Variants in CRTAP observed in about 807,000 individuals in gnomAD.
The protein encoded by CRTAP is cartilage associated protein.
In CRTAP, 33 loss-of-function variants were observed where a neutral mutation model predicts 42.7. That is an observed-to-expected ratio of 0.77 (90% CI 0.59 to 1.03). CRTAP has a LOEUF of 1.03. Ranked by LOEUF, CRTAP falls within the 50% of genes least tolerant of loss-of-function variation. The pLI, the probability that CRTAP is intolerant of heterozygous loss-of-function variation, is 0.00. For synonymous variants in CRTAP, 243 were observed against 217.7 expected (o/e 1.12, Z -1.02); for missense variants, 613 against 533.9 (o/e 1.15, Z -1.46).
intron 6 of CRTAP, among the ~76,000 whole-genome samples, chr3:33,135,242 C>T (rs1212537679): frequency 6.6e-6 from 1 of 152,188 alleles, no homozygotes; most frequent in East Asian, 1.9e-4. Flanking sequence ...GAGCCTGAGA[C>T]AGGATCCCAA....
At chr3:33,120,616 A>C (rs1416901867) in intron 2 of CRTAP, 123 bp downstream of exon 2, 1 of 1,418,382 alleles carries the variant, frequency 7.1e-7, no homozygotes, top group Admixed American at 2.0e-5. Flanking sequence ...GCTGAATATT[A>C]TGACAATAGA....
Position 33,147,197 on chromosome 3 carries a change from T to C in CRTAP, c.*4749T>C, listed in dbSNP as rs2030744441. The C allele has an allele frequency of 6.5e-6, 1 of 152,890 alleles. No homozygotes were observed. The highest frequency in any genetic ancestry group is 6.5e-5 in the Admixed American group (1 of 15,290). The allele number at this position is 152,890 out of a possible 1,614,324, so 9.5% of individuals were successfully genotyped here. Reference sequence around the variant, plus strand: ...TTAAGTAAGCCTCAGCCAAAGGTTTTATGCATTGGACTTCCTGTGCCTGCC... The same window carrying C: ...TTAAGTAAGCCTCAGCCAAAGGTTTCATGCATTGGACTTCCTGTGCCTGCC... On this transcript the variant is annotated 3_prime_UTR_variant, in exon 7 of 7. Transcript: ENST00000320954.
intron 1 of CRTAP, among the ~76,000 whole-genome samples, chr3:33,119,498 A>ATTTT (rs5847773): frequency 8.6e-5 from 13 of 151,186 alleles, no homozygotes; most frequent in African/African-American, 2.4e-4. Flanking sequence ...GCAGGTGGGG[A>ATTTT]TTTTTTTTTC....
At chr3:33,124,149 C>G (rs961920705) in intron 2 of CRTAP, among the ~76,000 whole-genome samples, 1 of 152,148 alleles carries the variant, frequency 6.6e-6, no homozygotes, top group African/African-American at 2.4e-5. Flanking sequence ...TCATAGTTTT[C>G]CCATTTTCCT....
chr3:33,118,532 CA>C (rs1318956410), intron 1 of CRTAP, among the ~76,000 whole-genome samples: 1 of 152,210 alleles, frequency 6.6e-6, no homozygotes, highest in Non-Finnish European at 1.5e-5. Flanking sequence ...GCCATTGTCT[CA>C]AAATGACTTG....
intron 5 of CRTAP, 29 bp from the exon 6 acceptor site, chr3:33,134,153 A>G (rs748479049): frequency 2.6e-6 from 4 of 1,536,508 alleles, no homozygotes; most frequent in Non-Finnish European, 3.6e-6. Context: ...GGTTGGTCCT[A>G]TAAACTGTTC....
At position 33,121,390 on chromosome 3, in the gene CRTAP, C is replaced by T. The variant is rs544742900; in HGVS notation, c.621+897C>T. On this transcript the variant is annotated intron_variant, in intron 2 of 6. Transcript: ENST00000320954. ...TTGCGCCACTGCACTCCAGCCTGGG[C>T]GACAGAGCGAGACTCTGTCTCAAAA... 8.7e-5 allele frequency among the ~76,000 whole-genome samples: 13 copies of T among 150,282 alleles called. No individual in the cohort carries two copies. In the South Asian group the frequency reaches 1.2e-3, roughly 14 times the overall value.
chr3:33,131,394 A>C (rs1398833291), intron 4 of CRTAP, among the ~76,000 whole-genome samples: 1 of 152,210 alleles, frequency 6.6e-6, no homozygotes, highest in Non-Finnish European at 1.5e-5. Context: ...CTTCTAGCTC[A>C]CTGAGCATGG....
At chr3:33,120,523 T>C in intron 2 of CRTAP, 30 bp downstream of exon 2, 1 of 1,576,394 alleles carries the variant, frequency 6.3e-7, no homozygotes, top group South Asian at 1.1e-5. Context: ...TGGCAGTTAG[T>C]GGCAACCTGG....
At chr3:33,141,843 C>T (rs2030580786) in intron 6 of CRTAP, among the ~76,000 whole-genome samples, 2 of 152,218 alleles carry the variant, frequency 1.3e-5, no homozygotes, top group South Asian at 4.1e-4. Flanking sequence ...AAGTGGATCC[C>T]ACTATCCCTG....
intron 2 of CRTAP, among the ~76,000 whole-genome samples, chr3:33,123,905 C>T (rs1217507765): frequency 6.6e-6 from 1 of 152,078 alleles, no homozygotes; most frequent in Non-Finnish European, 1.5e-5. Context: ...TTACATTTTT[C>T]TTTTCGTTCC....
intron 6 of CRTAP, among the ~76,000 whole-genome samples, chr3:33,137,041 C>T (rs2030439489): frequency 6.6e-6 from 1 of 151,426 alleles, no homozygotes; most frequent in Non-Finnish European, 1.5e-5. Flanking sequence ...TCCAACTTTG[C>T]AATATCTTCA....
At chr3:33,117,771 C>G (rs1701361385) in intron 1 of CRTAP, among the ~76,000 whole-genome samples, 1 of 152,186 alleles carries the variant, frequency 6.6e-6, no homozygotes, top group South Asian at 2.1e-4. Context: ...ACCACCTTCT[C>G]CAAAATCTGC....
intron 2 of CRTAP, among the ~76,000 whole-genome samples, chr3:33,122,507 G>A (rs2029905974): frequency 6.6e-6 from 1 of 151,918 alleles, no homozygotes; most frequent in Non-Finnish European, 1.5e-5. Flanking sequence ...AGGAGTTCAA[G>A]ACCAGCTGGG....
intron 6 of CRTAP, among the ~76,000 whole-genome samples, chr3:33,136,082 G>C (rs1012426126): frequency 6.6e-6 from 1 of 152,194 alleles, no homozygotes; most frequent in Non-Finnish European, 1.5e-5. Context: ...GCCCCTGGAA[G>C]ACTCTAATCT....
intron 1 of CRTAP, among the ~76,000 whole-genome samples, chr3:33,118,609 T>C (rs1701375427): frequency 6.6e-6 from 1 of 152,248 alleles, no homozygotes; most frequent in Non-Finnish European, 1.5e-5. Context: ...GTCTAGGGTA[T>C]ACCAAATATT....
intron 2 of CRTAP, among the ~76,000 whole-genome samples, chr3:33,123,286 T>C (rs895046002): frequency 1.4e-4 from 22 of 152,198 alleles, no homozygotes; most frequent in African/African-American, 3.4e-4. Context: ...CTAAATCTCA[T>C]GTCCAGTTGT....
At chr3:33,140,869 C>T (rs2030551518) in intron 6 of CRTAP, among the ~76,000 whole-genome samples, 3 of 152,206 alleles carry the variant, frequency 2.0e-5, no homozygotes, top group Non-Finnish European at 4.4e-5. Flanking sequence ...GCTTCGCCTG[C>T]TCCCATGGGG....
chr3:33,132,656 A>ATG lies in CRTAP; in HGVS notation c.1024_1025insTG (p.Arg342MetfsTer24), dbSNP rs2030301536. ...GAACCTGGTGTATTACCAGTACCAC[A>ATG]GGGACACTTGGGGCCTCTCGGATGA... On this transcript the variant is annotated frameshift_variant, in exon 5 of 7. Coordinates refer to ENST00000320954, the MANE Select transcript of CRTAP (RefSeq NM_006371.5). LOFTEE classifies it high-confidence loss of function. 1 of 1,614,028 alleles carries ATG rather than the reference A, an allele frequency of 6.2e-7. No individual in the cohort carries two copies. Among genetic ancestry groups the ATG allele is most frequent in the Non-Finnish European group, 8.5e-7 (1 of 1,179,968 alleles).
Sources: allele counts gnomAD v4.1 joint callset (sites outside exome capture counted in the v4.1 genomes callset), GRCh38; gene constraint gnomAD v4.1.1; transcripts MANE v1.5; gene names NCBI Gene and HGNC (gene_info 2026-07-23, HGNC 2026-07-21).